Variants in VWDE observed in about 807,000 individuals in gnomAD.
The protein encoded by VWDE is von Willebrand factor D and EGF domain-containing protein.
Under a neutral mutation model 178.4 loss-of-function variants are expected in VWDE, and 207 were observed. The observed-to-expected ratio is 1.16, with a 90% confidence interval of 1.04 to 1.30. VWDE has a LOEUF of 1.30. Ranked by LOEUF, VWDE falls within the 50% of genes most tolerant of loss-of-function variation. The pLI, the probability that VWDE is intolerant of heterozygous loss-of-function variation, is 0.00. For synonymous variants in VWDE, 738 were observed against 651.4 expected, an observed-to-expected ratio of 1.13 and a Z score of -2.02; for missense variants, 2,287 against 1,901.3, an observed-to-expected ratio of 1.20 and a Z score of -3.77.
intron 23 of VWDE, among the ~76,000 whole-genome samples, chr7:12,341,705 G>C (rs1781341590): frequency 6.6e-6 from 1 of 151,944 alleles, no homozygotes; most frequent in Admixed American, 6.6e-5. Flanking sequence ...ATTCAGAATT[G>C]CTTAGATATT....
At chr7:12,383,287 T>G (rs1467268173) in intron 4 of VWDE, among the ~76,000 whole-genome samples, 3 of 152,126 alleles carry the variant, frequency 2.0e-5, no homozygotes, top group Non-Finnish European at 4.4e-5. Flanking sequence ...AATGTTGATA[T>G]GAACTGCCAA....
Position 12,370,156 on chromosome 7 carries a change from T to C in VWDE, c.2150A>G (p.Asn717Ser), listed in dbSNP as rs1446138951. ...ATATTGTAGTGAATCTTCTTTCTCA[T>C]TTCCAGGATGTTTTTGTACATTTAA... ...LGLNVQKHPGNEKEDSLQYLA... is the reference protein window; with the variant it reads ...LGLNVQKHPGSEKEDSLQYLA... The change falls in exon 12 of 29, where the codon AAT becomes AGT. Residue 717 changes from asparagine to serine, a missense_variant. Asn to Ser is a conservative substitution (Grantham distance 46). Coordinates refer to ENST00000275358, the MANE Select transcript of VWDE (RefSeq NM_001135924.3). 1.9e-6 allele frequency: 3 copies of C among 1,551,580 alleles called. No individual in the cohort carries two copies. In the East Asian group the frequency reaches 7.3e-5, roughly 38 times the overall value.
At chr7:12,336,851 T>G in intron 26 of VWDE, 137 bp downstream of exon 26, 1 of 719,086 alleles carries the variant, frequency 1.4e-6, no homozygotes, top group Non-Finnish European at 2.3e-6. Flanking sequence ...AAGAGGTATC[T>G]CCTAAAGCAA....
intron 3 of VWDE, 123 bp downstream of exon 3, chr7:12,389,004 C>A: frequency 1.2e-6 from 1 of 814,898 alleles, no homozygotes. Flanking sequence ...TTCAATCTAG[C>A]AATAATGGTA....
Position 12,380,390 on chromosome 7 carries a change from T to A in VWDE, c.789+96A>T, listed in dbSNP as rs556924681. 1.5e-5 allele frequency: 22 copies of A among 1,448,214 alleles called. No homozygotes were observed. In the South Asian group the frequency reaches 2.7e-4, roughly 18 times the overall value. The allele number at this position is 1,448,214 out of a possible 1,614,324, so 89.7% of individuals were successfully genotyped here. A position where few individuals can be genotyped will look rare whatever the true frequency, so the allele number is the denominator to read the frequency against. On this transcript the variant is annotated intron_variant, in intron 5 of 28. Coordinates refer to ENST00000275358, the MANE Select transcript of VWDE (RefSeq NM_001135924.3). ...AGAAAAATATTAGGGCTTTATACTC[T>A]GGGGACAAAATCTATTTTTTGGATA...
At chr7:12,374,912 A>G in intron 8 of VWDE, 98 bp downstream of exon 8, 1 of 1,293,022 alleles carries the variant, frequency 7.7e-7, no homozygotes, top group Non-Finnish European at 1.0e-6. Flanking sequence ...CTAATTTACC[A>G]AAAAATTTTT....
In VWDE at chr7:12,394,273, C is replaced by G. The variant is rs141347790; in HGVS notation, c.59-495G>C. Among the ~76,000 whole-genome samples the G allele has an allele frequency of 6.4e-3, 974 of 152,206 alleles. 12 individuals are homozygous for G. The highest frequency in any genetic ancestry group is 0.022 in the African/African-American group (900 of 41,530). On this transcript the variant is annotated intron_variant, in intron 1 of 28. Transcript: ENST00000275358. Reference sequence around the variant, plus strand: ...ATGCTAACTCAACAGGTGTAAAGTGCTTTCAAACTAAAGTTTACTGCATTC... The same window carrying G: ...ATGCTAACTCAACAGGTGTAAAGTGGTTTCAAACTAAAGTTTACTGCATTC...
Position 12,389,206 on chromosome 7 carries a change from T to C in VWDE, c.396A>G (p.Pro132=). ...TTKDCCLFQI[P]VSVRNCGNFS... ...AGTTCCCACAGTTTCTTACAGACAC[T>C]GGGATTTGAAAGAGACAGCAGTCTT... Residue 132 remains proline (P), a synonymous_variant, in exon 3 of 29, where the codon CCA becomes CCG. Coordinates refer to ENST00000275358, the MANE Select transcript of VWDE (RefSeq NM_001135924.3). The C allele has an allele frequency of 6.4e-7, 1 of 1,551,866 alleles. No homozygotes were observed. Among genetic ancestry groups the C allele is most frequent in the Non-Finnish European group, 8.7e-7 (1 of 1,147,038 alleles).
chr7:12,361,659 C>T (rs1782589156), intron 13 of VWDE, 138 bp from the exon 14 acceptor site: 2 of 751,874 alleles, frequency 2.7e-6, no homozygotes, highest in Admixed American at 3.7e-5. Flanking sequence ...ACAAAAGTCA[C>T]ATTGGGAGTG....
intron 1 of VWDE, among the ~76,000 whole-genome samples, chr7:12,398,316 G>A (rs979620038): frequency 6.6e-6 from 1 of 152,110 alleles, no homozygotes; most frequent in African/African-American, 2.4e-5. Flanking sequence ...TGTCTTATCT[G>A]AGTTCCTTTC....
At chr7:12,378,244 T>A (rs559495942) in intron 6 of VWDE, among the ~76,000 whole-genome samples, 1 of 152,284 alleles carries the variant, frequency 6.6e-6, no homozygotes, top group Non-Finnish European at 1.5e-5. Flanking sequence ...ATATTTCTAT[T>A]TTCTTCCACT....
intron 19 of VWDE, among the ~76,000 whole-genome samples, chr7:12,347,072 G>A (rs1456928251): frequency 1.3e-5 from 2 of 152,112 alleles, no homozygotes; most frequent in South Asian, 2.1e-4. Context: ...CATAAATAAG[G>A]GCAGTGAGGT....
intron 23 of VWDE, among the ~76,000 whole-genome samples, chr7:12,340,717 T>C (rs1781282331): frequency 6.6e-6 from 1 of 152,156 alleles, no homozygotes; most frequent in South Asian, 2.1e-4. Context: ...CTATCAAGAA[T>C]GTAGAGGCTA....
intron 23 of VWDE, among the ~76,000 whole-genome samples, chr7:12,341,092 A>C (rs548594413): frequency 1.3e-5 from 2 of 152,184 alleles, no homozygotes; most frequent in Admixed American, 6.6e-5. Flanking sequence ...GTGTTTCAAT[A>C]ACATTACTTA....
chr7:12,379,405 T>G, intron 6 of VWDE, 72 bp downstream of exon 6: 1 of 1,085,734 alleles, frequency 9.2e-7, no homozygotes, highest in Non-Finnish European at 1.3e-6. Context: ...GAAACCAGCA[T>G]GGACAGATCA....
In VWDE at chr7:12,331,050, T is replaced by A; in HGVS notation, c.*133A>T. 2 of 646,552 alleles carry A rather than the reference T, an allele frequency of 3.1e-6. No homozygotes were observed. Among genetic ancestry groups the A allele is most frequent in the Non-Finnish European group, 5.1e-6 (2 of 388,496 alleles). The allele number at this position is 646,552 out of a possible 1,614,324, so 40.1% of individuals were successfully genotyped here. A position where few individuals can be genotyped will look rare whatever the true frequency, so the allele number is the denominator to read the frequency against. The stretch of plus-strand genomic sequence containing the variant: ...ATTACAACAGAGATCATTATGTATT[T>A]TATTAGTTTCTTCAGTCTTTAAGAT... On this transcript the variant is annotated 3_prime_UTR_variant, in exon 29 of 29. Coordinates refer to ENST00000275358, the MANE Select transcript of VWDE (RefSeq NM_001135924.3).
chr7:12,384,369 G>A (rs1583339113), intron 3 of VWDE, among the ~76,000 whole-genome samples: 1 of 152,002 alleles, frequency 6.6e-6, no homozygotes, highest in African/African-American at 2.4e-5. Context: ...AACAGGCAGA[G>A]CATAGGCAAT....
chr7:12,386,970 T>C (rs1050038265), intron 3 of VWDE, among the ~76,000 whole-genome samples: 2 of 152,278 alleles, frequency 1.3e-5, no homozygotes, highest in South Asian at 4.1e-4. Flanking sequence ...ATACTGCCAA[T>C]AAATACCTAT....
chr7:12,369,535 A>G lies in VWDE; in HGVS notation c.2761+10T>C. The stretch of plus-strand genomic sequence containing the variant: ...ACATGCAATATCAAACTTTGAGAGT[A>G]CTTACTTACCATAGGAATCACTGCA... On this transcript the variant is annotated intron_variant, in intron 12 of 28. Transcript: ENST00000275358. 2.0e-6 allele frequency: 3 copies of G among 1,507,838 alleles called. No individual in the cohort carries two copies. Among genetic ancestry groups the G allele is most frequent in the Non-Finnish European group, 2.7e-6 (3 of 1,122,640 alleles). The allele number at this position is 1,507,838 out of a possible 1,614,324, so 93.4% of individuals were successfully genotyped here.
Sources: gnomAD v4.1 joint callset for allele counts (sites outside exome capture counted in the v4.1 genomes callset) on GRCh38, gnomAD v4.1.1 for gene constraint, MANE v1.5 for transcripts, NCBI Gene and HGNC (gene_info 2026-07-23, HGNC 2026-07-21) for gene names.